The following FSTL4 variants were observed in gnomAD, a reference collection of about 807,000 sequenced individuals.
FSTL4 encodes the protein follistatin like 4, also known as follistatin-related protein 4.
FSTL4 carries 28 observed loss-of-function variants against 78.2 expected under a neutral mutation model. That is an observed-to-expected ratio of 0.36 (90% CI 0.27 to 0.49). The LOEUF (loss-of-function observed/expected upper bound fraction) is 0.49, where lower values mean the gene tolerates loss of function less well. FSTL4 is among the 20% of genes least tolerant of loss of function. FSTL4 has a pLI of 0.98. For synonymous variants in FSTL4, 422 were observed against 440.5 expected, an observed-to-expected ratio of 0.96 and a Z score of 0.53; for missense variants, 922 against 1,084.9, an observed-to-expected ratio of 0.85 and a Z score of 2.11.
the FSTL4 span, among the ~76,000 whole-genome samples, chr5:133,684,789 T>A: frequency 6.6e-6 from 1 of 152,138 alleles, no homozygotes; most frequent in Non-Finnish European, 1.5e-5. Context: ...GATGGCTCCA[T>A]GTAAGGAAGA....
chr5:133,410,915 A>G (rs913547790), intron 3 of FSTL4, among the ~76,000 whole-genome samples: 63 of 152,202 alleles, frequency 4.1e-4, no homozygotes, highest in Admixed American at 5.2e-4. Flanking sequence ...GATTTCATCT[A>G]TTCTCAACTT....
At position 133,198,293 on chromosome 5, in the gene FSTL4, C is replaced by G. The variant is rs1467935271; in HGVS notation, c.*802G>C. 2 of 152,520 alleles carry G rather than the reference C, an allele frequency of 1.3e-5. No homozygotes were observed. Among genetic ancestry groups the G allele is most frequent in the African/African-American group, 4.8e-5 (2 of 41,398 alleles). The allele number at this position is 152,520 out of a possible 1,614,324, so 9.4% of individuals were successfully genotyped here. On this transcript the variant is annotated 3_prime_UTR_variant, in exon 16 of 16. Transcript: ENST00000265342. ...AACCGAGTCCTTACGGATGAGGTGG[C>G]CTGGTCTGCTCTTGGAGAAGCAGGG...
At chr5:133,736,684 A>G in the FSTL4 span, among the ~76,000 whole-genome samples, 8 of 152,230 alleles carry the variant, frequency 5.3e-5, no homozygotes, top group Admixed American at 3.3e-4. Flanking sequence ...GACATGAGAC[A>G]AGCTGAGGAC....
the FSTL4 span, among the ~76,000 whole-genome samples, chr5:133,819,956 G>C: frequency 6.6e-6 from 1 of 152,250 alleles, no homozygotes; most frequent in Non-Finnish European, 1.5e-5. Flanking sequence ...TTTCACATGA[G>C]GAGGTGGCCG....
intron 3 of FSTL4, among the ~76,000 whole-genome samples, chr5:133,558,568 C>T (rs1215168184): frequency 6.6e-6 from 1 of 152,120 alleles, no homozygotes; most frequent in African/African-American, 2.4e-5. Context: ...ATTTCTGGGA[C>T]ACACGCTCCC....
the FSTL4 span, among the ~76,000 whole-genome samples, chr5:133,707,833 C>T: frequency 1.3e-5 from 2 of 152,096 alleles, no homozygotes; most frequent in African/African-American, 2.4e-5. Flanking sequence ...TCATGCCTGC[C>T]TGGAGCCCTT....
chr5:133,250,987 A>G (rs890816), intron 6 of FSTL4, among the ~76,000 whole-genome samples: 101,600 of 152,214 alleles, frequency 0.67, 34,318 homozygotes, highest in East Asian at 0.85. Flanking sequence ...CTAACGGTGA[A>G]GGAACCCTCA....
At chr5:133,504,037 G>A (rs1447988426) in intron 3 of FSTL4, among the ~76,000 whole-genome samples, 1 of 152,128 alleles carries the variant, frequency 6.6e-6, no homozygotes, top group African/African-American at 2.4e-5. Context: ...CGGATCTCGT[G>A]AGAACTTACT....
chr5:133,200,731 T>C (rs532537904), intron 15 of FSTL4, among the ~76,000 whole-genome samples: 1 of 152,332 alleles, frequency 6.6e-6, no homozygotes, highest in South Asian at 2.1e-4. Flanking sequence ...AGAGGCCTTT[T>C]GGTGCTGTGT....
chr5:133,497,333 A>G (rs1204667506), intron 3 of FSTL4, among the ~76,000 whole-genome samples: 2 of 152,340 alleles, frequency 1.3e-5, no homozygotes, highest in Middle Eastern at 3.4e-3. Context: ...TCCCGATGGA[A>G]GAAGATGGAT....
chr5:133,385,141 T>G (rs1014103992), intron 4 of FSTL4, among the ~76,000 whole-genome samples: 1 of 152,208 alleles, frequency 6.6e-6, no homozygotes, highest in Non-Finnish European at 1.5e-5. Context: ...ACACTCCTCT[T>G]GGACCCCCGC....
At chr5:133,244,148 C>G (rs1751964760) in intron 7 of FSTL4, 1 of 152,432 alleles carries the variant, frequency 6.6e-6, no homozygotes, top group African/African-American at 2.4e-5. Flanking sequence ...TCACCCCAGC[C>G]CCCAAAGCCT....
chr5:133,213,160 G>A (rs796369073), intron 13 of FSTL4, among the ~76,000 whole-genome samples: 5 of 151,962 alleles, frequency 3.3e-5, no homozygotes, highest in African/African-American at 7.2e-5. Flanking sequence ...GCACCACCAC[G>A]CCCAGCTAAT....
At chr5:133,645,564 C>T in the FSTL4 span, among the ~76,000 whole-genome samples, 3 of 152,084 alleles carry the variant, frequency 2.0e-5, no homozygotes, top group African/African-American at 4.8e-5. Flanking sequence ...TGACTGGTAA[C>T]CTCCCAGAAG....
chr5:133,465,686 C>T (rs1282199162), intron 3 of FSTL4, among the ~76,000 whole-genome samples: 1 of 152,208 alleles, frequency 6.6e-6, no homozygotes, highest in Non-Finnish European at 1.5e-5. Context: ...GGAGCAGTTC[C>T]TCTCAGACTT....
At chr5:133,833,980 C>G in the FSTL4 span, among the ~76,000 whole-genome samples, 39,315 of 151,980 alleles carry the variant, frequency 0.26, 5,562 homozygotes, top group African/African-American at 0.37. Flanking sequence ...CTATTTTGAT[C>G]CCACAGAATT....
At chr5:133,680,169 C>A in the FSTL4 span, among the ~76,000 whole-genome samples, 11 of 152,320 alleles carry the variant, frequency 7.2e-5, no homozygotes, top group South Asian at 2.1e-3. Context: ...GTCTTCCATG[C>A]CTTCTCACTC....
chr5:133,258,509 C>G (rs1325792182), intron 6 of FSTL4, among the ~76,000 whole-genome samples: 1 of 152,230 alleles, frequency 6.6e-6, no homozygotes, highest in African/African-American at 2.4e-5. Flanking sequence ...GAAACTGAAA[C>G]ACTGGCTTCA....
chr5:133,253,867 G>A (rs997886884), intron 6 of FSTL4, among the ~76,000 whole-genome samples: 1 of 152,178 alleles, frequency 6.6e-6, no homozygotes, highest in African/African-American at 2.4e-5. Context: ...TTACCACTGT[G>A]CCAGCTGGCT....
Sources: allele counts gnomAD v4.1 joint callset (sites outside exome capture counted in the v4.1 genomes callset), GRCh38; gene constraint gnomAD v4.1.1; transcripts MANE v1.5; gene names NCBI Gene and HGNC (gene_info 2026-07-23, HGNC 2026-07-21).